The following COG5 variants were observed in gnomAD, a reference collection of about 807,000 sequenced individuals.
The protein encoded by COG5 is component of oligomeric golgi complex 5.
COG5 carries 86 observed loss-of-function variants against 110.4 expected under a neutral mutation model. The observed-to-expected ratio is 0.78, with a 90% CI of 0.65 to 0.93. The LOEUF is 0.93. Among genes scored for constraint, COG5 ranks in the 40% least tolerant of loss-of-function variants. COG5 has a pLI of 0.00. For synonymous variants in COG5, 360 were observed against 334.6 expected, an observed-to-expected ratio of 1.08 and a Z score of -0.83; for missense variants, 1,077 against 987.0, an observed-to-expected ratio of 1.09 and a Z score of -1.22.
chr7:107,220,519 T>C (rs1441826729), intron 19 of COG5, among the ~76,000 whole-genome samples: 1 of 152,196 alleles, frequency 6.6e-6, no homozygotes, highest in Non-Finnish European at 1.5e-5. Flanking sequence ...TCAGCTCTGC[T>C]CTCCATAGAC....
chr7:107,364,163 G>A (rs1422500520), intron 8 of COG5, among the ~76,000 whole-genome samples: 1 of 152,174 alleles, frequency 6.6e-6, no homozygotes, highest in Non-Finnish European at 1.5e-5. Context: ...GTAATAGGAA[G>A]TACACAACAT....
chr7:107,323,843 G>A (rs56114169), intron 11 of COG5, among the ~76,000 whole-genome samples: 2,060 of 152,160 alleles, frequency 0.014, 55 homozygotes, highest in African/African-American at 0.046. Context: ...TACATTATAT[G>A]CTCTTACCTA....
chr7:107,263,137 G>C (rs2116660484), intron 14 of COG5, among the ~76,000 whole-genome samples: 1 of 152,260 alleles, frequency 6.6e-6, no homozygotes, highest in Middle Eastern at 3.4e-3. Flanking sequence ...CATTTGGGTT[G>C]TGGTAACAAA....
At chr7:107,315,566 T>G (rs1294107845) in intron 11 of COG5, among the ~76,000 whole-genome samples, 1 of 81,402 alleles carries the variant, frequency 1.2e-5, no homozygotes, top group Non-Finnish European at 2.5e-5. Flanking sequence ...CTAATAGAAC[T>G]TTTTTTTTTT....
chr7:107,431,819 C>T (rs1027259181), intron 6 of COG5, among the ~76,000 whole-genome samples: 13 of 152,014 alleles, frequency 8.6e-5, no homozygotes, highest in Non-Finnish European at 1.6e-4. Flanking sequence ...CCACACCTAG[C>T]TAATTTTTTT....
intron 7 of COG5, among the ~76,000 whole-genome samples, chr7:107,385,897 G>A (rs1311293592): frequency 6.7e-6 from 1 of 149,960 alleles, no homozygotes; most frequent in Non-Finnish European, 1.5e-5. Context: ...ATTAATGACA[G>A]TAAGCATCTT....
chr7:107,507,208 C>A (rs895031279), intron 6 of COG5, among the ~76,000 whole-genome samples: 5 of 152,200 alleles, frequency 3.3e-5, no homozygotes, highest in Non-Finnish European at 1.5e-5. Context: ...CTGTAGCCTG[C>A]AGCTTCTTTC....
intron 17 of COG5, among the ~76,000 whole-genome samples, chr7:107,247,763 G>T (rs1022688967): frequency 6.6e-6 from 1 of 152,130 alleles, no homozygotes; most frequent in African/African-American, 2.4e-5. Context: ...TTATTCTCAG[G>T]ATACCTATGA....
chr7:107,247,078 T>C (rs1354498811), intron 17 of COG5, among the ~76,000 whole-genome samples: 1 of 152,204 alleles, frequency 6.6e-6, no homozygotes, highest in East Asian at 1.9e-4. Flanking sequence ...GGAACATGGA[T>C]GGAGCTGGAT....
chr7:107,542,940 C>G (rs1209498702), intron 5 of COG5, among the ~76,000 whole-genome samples: 2 of 149,288 alleles, frequency 1.3e-5, no homozygotes, highest in Non-Finnish European at 3.0e-5. Flanking sequence ...CCATTGCATT[C>G]CAGCCTAGGC....
At chr7:107,292,747 T>TA (rs1806281090) in intron 12 of COG5, among the ~76,000 whole-genome samples, 1 of 152,166 alleles carries the variant, frequency 6.6e-6, no homozygotes, top group African/African-American at 2.4e-5. Context: ...GGAGAGAAGA[T>TA]AAGAGTAATC....
intron 10 of COG5, among the ~76,000 whole-genome samples, chr7:107,329,125 A>G (rs998065687): frequency 6.6e-6 from 1 of 152,204 alleles, no homozygotes; most frequent in African/African-American, 2.4e-5. Flanking sequence ...TCTACATACA[A>G]ATATATAACA....
chr7:107,502,907 T>G lies in COG5; in HGVS notation c.538+24330A>C, dbSNP rs75732071. ...TGAGTTCCCTGTAGCTTCTGAATAC[T>G]AGTTCTTTGTCACATGCACAGTTTA... On this transcript the variant is annotated intron_variant, in intron 6 of 21. Coordinates refer to ENST00000297135, the MANE Select transcript of COG5 (RefSeq NM_006348.5). 4.7e-3 allele frequency among the ~76,000 whole-genome samples: 704 copies of G among 151,282 alleles called. 8 individuals carry two copies. The highest frequency in any genetic ancestry group is 0.016 in the African/African-American group (646 of 41,368).
At chr7:107,363,668 T>C (rs949409066) in intron 8 of COG5, among the ~76,000 whole-genome samples, 1 of 151,978 alleles carries the variant, frequency 6.6e-6, no homozygotes, top group African/African-American at 2.4e-5. Flanking sequence ...CTAAGTGAAA[T>C]GTTATTGGCC....
intron 6 of COG5, among the ~76,000 whole-genome samples, chr7:107,455,887 G>A (rs1422419761): frequency 5.9e-5 from 9 of 151,372 alleles, no homozygotes; most frequent in Non-Finnish European, 8.9e-5. Context: ...TCTGCCTCCC[G>A]CGTTCAAGCG....
rs1584515124 is a variant in COG5 at position 107,202,883 on chromosome 7, T to C, written c.*633A>G. ...CTTTATTTAAAGATCCAGTATGACA[T>C]ACTTAAAAAGGCCATTTAACCTTGT... On this transcript the variant is annotated 3_prime_UTR_variant, in exon 22 of 22. Transcript: ENST00000297135. 1 of 152,634 alleles carries C rather than the reference T, an allele frequency of 6.6e-6. No individual in the cohort carries two copies. The allele number at this position is 152,634 out of a possible 1,614,324, so 9.5% of individuals were successfully genotyped here.
At chr7:107,310,875 A>G (rs952403416) in intron 11 of COG5, among the ~76,000 whole-genome samples, 3 of 152,168 alleles carry the variant, frequency 2.0e-5, no homozygotes, top group African/African-American at 7.2e-5. Flanking sequence ...AAGATGCTCT[A>G]CATTTCATTA....
intron 19 of COG5, among the ~76,000 whole-genome samples, chr7:107,213,078 G>A (rs151066403): frequency 1.3e-5 from 2 of 152,296 alleles, no homozygotes; most frequent in East Asian, 3.9e-4. Context: ...AGTGACTGGT[G>A]TGCAGATCTG....
chr7:107,286,541 A>T (rs1426393577), intron 12 of COG5, among the ~76,000 whole-genome samples: 2 of 152,210 alleles, frequency 1.3e-5, no homozygotes, highest in African/African-American at 4.8e-5. Flanking sequence ...AGAAAAAATG[A>T]TTTCTACTGG....
Sources: gnomAD v4.1 joint callset for allele counts (sites outside exome capture counted in the v4.1 genomes callset) on GRCh38, gnomAD v4.1.1 for gene constraint, MANE v1.5 for transcripts, NCBI Gene and HGNC (gene_info 2026-07-23, HGNC 2026-07-21) for gene names.